Variants in SLCO6A1 observed in about 807,000 individuals in gnomAD.
The protein encoded by SLCO6A1 is solute carrier organic anion transporter family member 6A1.
In SLCO6A1, 65 loss-of-function variants were observed where a neutral mutation model predicts 72.7. That is an observed-to-expected ratio of 0.89 (90% CI 0.73 to 1.10). SLCO6A1 has a LOEUF of 1.10. SLCO6A1 is among the 50% of genes least tolerant of loss of function. SLCO6A1 has a pLI of 0.00. For synonymous variants in SLCO6A1, 314 were observed against 298.2 expected, an observed-to-expected ratio of 1.05 and a Z score of -0.55; for missense variants, 874 against 872.6, an observed-to-expected ratio of 1.00 and a Z score of -0.02.
intron 12 of SLCO6A1, among the ~76,000 whole-genome samples, chr5:102,385,826 CTTTTTTT>C (rs57983218): frequency 4.9e-5 from 6 of 121,216 alleles, no homozygotes; most frequent in Non-Finnish European, 8.4e-5. Flanking sequence ...CCTGTTTTTC[CTTTTTTT>C]TTTTTTTTTT....
At chr5:102,397,964 T>A (rs1747188918) in intron 10 of SLCO6A1, among the ~76,000 whole-genome samples, 1 of 152,180 alleles carries the variant, frequency 6.6e-6, no homozygotes, top group South Asian at 2.1e-4. Flanking sequence ...TATTATCTCT[T>A]TCATCTCACT....
intron 10 of SLCO6A1, among the ~76,000 whole-genome samples, chr5:102,395,147 G>A (rs749781856): frequency 1.1e-4 from 17 of 151,854 alleles, no homozygotes; most frequent in Admixed American, 2.0e-4. Context: ...CCATTAACTC[G>A]TCATTTAGCA....
intron 6 of SLCO6A1, among the ~76,000 whole-genome samples, chr5:102,439,658 A>G (rs1749731725): frequency 6.6e-6 from 1 of 152,140 alleles, no homozygotes; most frequent in Admixed American, 6.5e-5. Flanking sequence ...ACTACACTAC[A>G]TTAAACACCC....
chr5:102,381,322 G>A (rs80036141), intron 12 of SLCO6A1, among the ~76,000 whole-genome samples: 4,109 of 151,832 alleles, frequency 0.027, 70 homozygotes, highest in South Asian at 0.045. Context: ...AGAGCATGCT[G>A]TATTTGTTTT....
chr5:102,491,991 T>C (rs1367697526), intron 1 of SLCO6A1, among the ~76,000 whole-genome samples: 3 of 152,130 alleles, frequency 2.0e-5, no homozygotes. Context: ...TTGTGGAAAG[T>C]GAAGCGAAAG....
intron 6 of SLCO6A1, among the ~76,000 whole-genome samples, chr5:102,449,676 G>C (rs914546083): frequency 1.3e-5 from 2 of 152,066 alleles, no homozygotes; most frequent in Non-Finnish European, 2.9e-5. Flanking sequence ...GTGAGCCACC[G>C]TCCTGATTTT....
At chr5:102,383,183 G>A (rs1746221798) in intron 12 of SLCO6A1, among the ~76,000 whole-genome samples, 1 of 149,942 alleles carries the variant, frequency 6.7e-6, no homozygotes, top group East Asian at 1.9e-4. Context: ...ATTTTAGGAT[G>A]CCATGTTTCC....
intron 7 of SLCO6A1, among the ~76,000 whole-genome samples, chr5:102,428,852 T>C (rs1749058153): frequency 1.3e-5 from 2 of 152,214 alleles, no homozygotes; most frequent in Non-Finnish European, 2.9e-5. Flanking sequence ...GTTTTGCCTT[T>C]AGCTCTTTGA....
At chr5:102,497,972 T>A (rs758756182) in intron 1 of SLCO6A1, among the ~76,000 whole-genome samples, 3 of 152,146 alleles carry the variant, frequency 2.0e-5, no homozygotes, top group Non-Finnish European at 4.4e-5. Context: ...GACCCTTCAC[T>A]GGATGGTTGA....
intron 1 of SLCO6A1, among the ~76,000 whole-genome samples, chr5:102,496,365 G>T (rs1752910471): frequency 6.6e-6 from 1 of 152,056 alleles, no homozygotes; most frequent in African/African-American, 2.4e-5. Context: ...TAGATCAATT[G>T]ACAAATAGAA....
At chr5:102,416,492 C>T (rs1261684661) in intron 8 of SLCO6A1, among the ~76,000 whole-genome samples, 1 of 152,036 alleles carries the variant, frequency 6.6e-6, no homozygotes, top group Non-Finnish European at 1.5e-5. Context: ...AGACAAATAT[C>T]ACATGTTCTC....
chr5:102,433,210 C>T (rs150808066), intron 7 of SLCO6A1, among the ~76,000 whole-genome samples: 146 of 152,268 alleles, frequency 9.6e-4, no homozygotes, highest in African/African-American at 3.2e-3. Flanking sequence ...TGAGTTTCAA[C>T]GTTCCCCTGA....
At chr5:102,492,408 A>C (rs775929462) in intron 1 of SLCO6A1, among the ~76,000 whole-genome samples, 14 of 152,200 alleles carry the variant, frequency 9.2e-5, no homozygotes, top group Non-Finnish European at 1.9e-4. Context: ...CAATGGGTGC[A>C]CTTCCAAGAT....
intron 6 of SLCO6A1, among the ~76,000 whole-genome samples, chr5:102,443,590 A>G (rs1452540678): frequency 6.6e-6 from 1 of 152,216 alleles, no homozygotes; most frequent in African/African-American, 2.4e-5. Flanking sequence ...CAAAAACTGT[A>G]ACAGTTTTGG....
intron 9 of SLCO6A1, among the ~76,000 whole-genome samples, chr5:102,400,589 A>G (rs1050499003): frequency 6.6e-6 from 1 of 152,006 alleles, no homozygotes; most frequent in Non-Finnish European, 1.5e-5. Flanking sequence ...AGATGCAGAG[A>G]CCAGTTCGCA....
intron 3 of SLCO6A1, among the ~76,000 whole-genome samples, chr5:102,477,192 G>C (rs549213803): frequency 2.5e-4 from 38 of 152,036 alleles, no homozygotes; most frequent in Non-Finnish European, 5.6e-4. Context: ...TACGATCTTG[G>C]CTCGCTGCAA....
In SLCO6A1 at chr5:102,391,040, A is replaced by G. The variant is rs150169825; in HGVS notation, c.1820T>C (p.Val607Ala). 1.0e-3 allele frequency: 1,685 copies of G among 1,613,258 alleles called. 3 individuals are homozygous for G. Among genetic ancestry groups the G allele is most frequent in the Non-Finnish European group, 1.3e-3 (1,564 of 1,179,292 alleles). ...VPIVLAMTRV[V>A]PDKLRSLALG... ...GGCCAGAGAACGCAGTTTGTCAGGT[A>G]CAACCCTGAAAGTAAATAGCAATGA... The change falls in exon 11 of 14, where the codon GTA (valine) becomes GCA (alanine). Residue 607 changes from valine (V) to alanine (A), a missense_variant. Physicochemically the swap from Val to Ala is moderately conservative, Grantham distance 64. Coordinates refer to ENST00000506729, the MANE Select transcript of SLCO6A1 (RefSeq NM_173488.5).
Position 102,467,582 on chromosome 5 carries a change from G to T in SLCO6A1, c.900-7805C>A, listed in dbSNP as rs1296759253. Among the ~76,000 whole-genome samples the T allele has an allele frequency of 2.0e-5, 3 of 152,144 alleles. No individual in the cohort carries two copies. The East Asian group carries it at 5.8e-4, about 29-fold the overall frequency. ...CTTGGCCCTGCCCTTATCATGTGGG[G>T]GTTATTACAATTGAAGGTGAGATTT... On this transcript the variant is annotated intron_variant, in intron 4 of 13. Coordinates refer to ENST00000506729, the MANE Select transcript of SLCO6A1 (RefSeq NM_173488.5).
chr5:102,429,934 T>C (rs1324089050), intron 7 of SLCO6A1, among the ~76,000 whole-genome samples: 1 of 152,202 alleles, frequency 6.6e-6, no homozygotes, highest in Non-Finnish European at 1.5e-5. Context: ...TTCCTATTCA[T>C]AAGCATGGAG....
Sources: allele counts gnomAD v4.1 joint callset (sites outside exome capture counted in the v4.1 genomes callset), GRCh38; gene constraint gnomAD v4.1.1; transcripts MANE v1.5; gene names NCBI Gene and HGNC (gene_info 2026-07-23, HGNC 2026-07-21).